GRID1: variants seen among roughly 807,000 people sequenced by gnomAD.
GRID1 encodes the protein glutamate receptor ionotropic, delta-1.
A neutral mutation model predicts 98.0 loss-of-function variants in GRID1; 28 were observed. The ratio of observed to expected loss-of-function variants is 0.29; its 90% CI spans 0.21 to 0.39. GRID1 has a LOEUF of 0.39. GRID1 is among the 10% of genes least tolerant of loss of function. The probability of loss-of-function intolerance (pLI) is 1.00; values close to 1 mark genes in which losing one functional copy is unlikely to be tolerated. For synonymous variants in GRID1, 553 were observed against 538.5 expected, an observed-to-expected ratio of 1.03 and a Z score of -0.37; for missense variants, 1,111 against 1,340.5, an observed-to-expected ratio of 0.83 and a Z score of 2.67.
At chr10:85,727,562 G>A (rs1434414428) in intron 10 of GRID1, among the ~76,000 whole-genome samples, 1 of 152,182 alleles carries the variant, frequency 6.6e-6, no homozygotes, top group East Asian at 1.9e-4. Flanking sequence ...CCTAAACGTA[G>A]GGTAGGTTCC....
Position 85,865,912 on chromosome 10 carries a change from CATATATATAT to C in GRID1, c.951+3088_951+3097del, listed in dbSNP as rs375258556. ...TTTAATAAAGTGTTTTACATATATA[CATATATATAT>C]ATATATATATATATATATATACACA... On this transcript the variant is annotated intron_variant, in intron 6 of 15. Coordinates refer to ENST00000327946, the MANE Select transcript of GRID1 (RefSeq NM_017551.3). Among the ~76,000 whole-genome samples the C allele has an allele frequency of 4.4e-3, 369 of 83,112 alleles. 9 individuals are homozygous for C. Among genetic ancestry groups the C allele is most frequent in the African/African-American group, 0.019 (334 of 18,014 alleles). 54.5% of individuals were successfully genotyped at this position (83,112 alleles called of 152,430 possible).
intron 2 of GRID1, among the ~76,000 whole-genome samples, chr10:86,245,322 T>A (rs1335292439): frequency 6.6e-6 from 1 of 152,220 alleles, no homozygotes; most frequent in Admixed American, 6.5e-5. Context: ...CTGCCCATGC[T>A]GGGGCTCATG....
At chr10:86,193,896 T>C (rs143576973) in intron 3 of GRID1, among the ~76,000 whole-genome samples, 2 of 152,084 alleles carry the variant, frequency 1.3e-5, no homozygotes, top group East Asian at 3.9e-4. Context: ...AAGCTGCAGA[T>C]AATTCAATCC....
intron 4 of GRID1, among the ~76,000 whole-genome samples, chr10:86,112,809 G>C (rs1844509053): frequency 6.6e-6 from 1 of 152,198 alleles, no homozygotes; most frequent in African/African-American, 2.4e-5. Context: ...TGATGAGATG[G>C]TGTCATGCAG....
chr10:85,622,828 G>A (rs1003818101), intron 13 of GRID1, among the ~76,000 whole-genome samples: 1 of 152,140 alleles, frequency 6.6e-6, no homozygotes, highest in Admixed American at 6.5e-5. Flanking sequence ...GATGGACTGT[G>A]GTAAATCTTA....
chr10:86,221,997 G>A (rs1220072304), intron 2 of GRID1, among the ~76,000 whole-genome samples: 1 of 152,104 alleles, frequency 6.6e-6, no homozygotes, highest in Non-Finnish European at 1.5e-5. Context: ...CAGAAACAGG[G>A]GACAGAGCCA....
At chr10:86,119,607 C>T (rs1046671443) in intron 4 of GRID1, among the ~76,000 whole-genome samples, 2 of 152,090 alleles carry the variant, frequency 1.3e-5, no homozygotes, top group Non-Finnish European at 2.9e-5. Context: ...TTTCTTCCTC[C>T]CCAATTATCC....
At chr10:86,191,010 A>C (rs1171819573) in intron 3 of GRID1, among the ~76,000 whole-genome samples, 1 of 152,178 alleles carries the variant, frequency 6.6e-6, no homozygotes, top group Non-Finnish European at 1.5e-5. Flanking sequence ...TGAGAAAGAG[A>C]GCTCCAGATC....
intron 4 of GRID1, among the ~76,000 whole-genome samples, chr10:85,939,025 G>A (rs1256560566): frequency 2.6e-5 from 4 of 152,176 alleles, no homozygotes; most frequent in African/African-American, 9.7e-5. Flanking sequence ...TAGCCTCCTG[G>A]AAAACCAAGC....
At chr10:86,004,850 C>T (rs1176897024) in intron 4 of GRID1, among the ~76,000 whole-genome samples, 4 of 152,052 alleles carry the variant, frequency 2.6e-5, no homozygotes, top group Non-Finnish European at 5.9e-5. Context: ...TGAAAAATGA[C>T]CTCATTGCAC....
At chr10:86,183,572 T>G (rs1183913278) in intron 3 of GRID1, among the ~76,000 whole-genome samples, 2 of 152,212 alleles carry the variant, frequency 1.3e-5, no homozygotes, top group African/African-American at 4.8e-5. Flanking sequence ...TTGGTCAGGC[T>G]GGTCTCAAAC....
intron 4 of GRID1, among the ~76,000 whole-genome samples, chr10:85,951,813 G>A (rs1026177739): frequency 2.0e-5 from 3 of 152,218 alleles, no homozygotes; most frequent in Admixed American, 6.5e-5. Flanking sequence ...AAGCCCAGAG[G>A]TGCCCACAGG....
At chr10:86,051,091 T>G (rs1204599683) in intron 4 of GRID1, among the ~76,000 whole-genome samples, 3 of 150,844 alleles carry the variant, frequency 2.0e-5, no homozygotes, top group African/African-American at 4.9e-5. Context: ...AAAAAAAATG[T>G]GTATATATAT....
chr10:86,125,627 T>G (rs1360776352), intron 4 of GRID1, among the ~76,000 whole-genome samples: 3 of 152,188 alleles, frequency 2.0e-5, no homozygotes, highest in Non-Finnish European at 2.9e-5. Context: ...TACCTGTGGA[T>G]TTTTTTCAAT....
intron 1 of GRID1, among the ~76,000 whole-genome samples, chr10:86,364,605 T>C (rs1848649191): frequency 6.6e-6 from 1 of 152,178 alleles, no homozygotes; most frequent in Non-Finnish European, 1.5e-5. Flanking sequence ...AGGTCTACAG[T>C]TGGCTTTCCT....
At chr10:85,674,880 G>A (rs759027325) in intron 12 of GRID1, among the ~76,000 whole-genome samples, 12 of 152,146 alleles carry the variant, frequency 7.9e-5, no homozygotes, top group Non-Finnish European at 1.5e-4. Flanking sequence ...ACATATGTAG[G>A]ACAAACTCTG....
intron 2 of GRID1, among the ~76,000 whole-genome samples, chr10:86,363,550 T>A (rs1848631560): frequency 6.6e-6 from 1 of 151,494 alleles, no homozygotes; most frequent in African/African-American, 2.4e-5. Flanking sequence ...GCCACTGAGA[T>A]CAGGGGAGGT....
chr10:85,829,941 C>A (rs1345773034), intron 8 of GRID1, among the ~76,000 whole-genome samples: 1 of 152,110 alleles, frequency 6.6e-6, no homozygotes, highest in African/African-American at 2.4e-5. Flanking sequence ...GCATTCTTCA[C>A]AGAATTGGAA....
At chr10:85,635,309 A>G (rs1336147905) in intron 13 of GRID1, among the ~76,000 whole-genome samples, 1 of 152,128 alleles carries the variant, frequency 6.6e-6, no homozygotes, top group Admixed American at 6.5e-5. Flanking sequence ...ACCAAACAGA[A>G]TTAAACAGCA....
Sources: allele counts gnomAD v4.1 joint callset (sites outside exome capture counted in the v4.1 genomes callset), GRCh38; gene constraint gnomAD v4.1.1; transcripts MANE v1.5; gene names NCBI Gene and HGNC (gene_info 2026-07-23, HGNC 2026-07-21).